The following CADM2 variants were observed in gnomAD, a reference collection of about 807,000 sequenced individuals.
CADM2 encodes immunoglobulin superfamily member 4D.
In CADM2, 12 loss-of-function variants were observed where a neutral mutation model predicts 49.8. The ratio of observed to expected loss-of-function variants is 0.24; its 90% CI spans 0.15 to 0.39. The LOEUF (loss-of-function observed/expected upper bound fraction) is 0.39, where lower values mean the gene tolerates loss of function less well. Among genes scored for constraint, CADM2 ranks in the 10% least tolerant of loss-of-function variants. The pLI, the probability that CADM2 is intolerant of heterozygous loss-of-function variation, is 1.00. For missense variants in CADM2, 378 were observed against 492.3 expected (o/e 0.77, Z 2.20); for synonymous variants, 214 against 175.4 (o/e 1.22, Z -1.74).
chr3:85,746,538 C>A (rs1559629289), intron 2 of CADM2, among the ~76,000 whole-genome samples: 1 of 152,120 alleles, frequency 6.6e-6, no homozygotes, highest in Admixed American at 6.6e-5. Context: ...CTGCCCTCCT[C>A]CTTTTCTTTT....
intron 1 of CADM2, among the ~76,000 whole-genome samples, chr3:85,308,964 G>A (rs550743644): frequency 6.6e-6 from 1 of 152,070 alleles, no homozygotes; most frequent in South Asian, 2.1e-4. Flanking sequence ...ACGGACAACA[G>A]ACACTGATGA....
intron 1 of CADM2, among the ~76,000 whole-genome samples, chr3:85,371,019 A>T (rs553810643): frequency 6.6e-6 from 1 of 152,358 alleles, no homozygotes; most frequent in African/African-American, 2.4e-5. Context: ...TTTGTATTTT[A>T]TACAGGTGTA....
intron 7 of CADM2, among the ~76,000 whole-genome samples, chr3:85,938,083 G>C (rs981716845): frequency 6.6e-6 from 1 of 151,848 alleles, no homozygotes; most frequent in Non-Finnish European, 1.5e-5. Context: ...TCTTCATTTG[G>C]ACTATTGCTT....
intron 1 of CADM2, among the ~76,000 whole-genome samples, chr3:85,589,623 G>A (rs1203970211): frequency 1.3e-5 from 2 of 151,952 alleles, no homozygotes; most frequent in Non-Finnish European, 2.9e-5. Context: ...CCAGAGACAA[G>A]AACAAATAAA....
chr3:85,199,370 T>A (rs60023822), intron 1 of CADM2, among the ~76,000 whole-genome samples: 7,198 of 139,854 alleles, frequency 0.051, 701 homozygotes, highest in African/African-American at 0.19. Flanking sequence ...TGTGTGTGTA[T>A]GAGAGAGAGA....
At chr3:85,976,754 A>G (rs1323304168) in intron 8 of CADM2, among the ~76,000 whole-genome samples, 2 of 151,506 alleles carry the variant, frequency 1.3e-5, no homozygotes, top group South Asian at 2.1e-4. Flanking sequence ...TTAGCCACAT[A>G]TGATGTCAGA....
At chr3:86,046,438 G>C (rs911663424) in intron 8 of CADM2, among the ~76,000 whole-genome samples, 5 of 152,088 alleles carry the variant, frequency 3.3e-5, no homozygotes, top group Non-Finnish European at 7.4e-5. Flanking sequence ...TATTTGCCTA[G>C]ATGATTGCTT....
At chr3:85,029,463 G>T (rs533059357) in intron 1 of CADM2, among the ~76,000 whole-genome samples, 5 of 152,116 alleles carry the variant, frequency 3.3e-5, no homozygotes, top group African/African-American at 1.2e-4. Flanking sequence ...GATGCTAATC[G>T]TTCTTTGTGT....
At chr3:85,029,894 A>C (rs566579418) in intron 1 of CADM2, among the ~76,000 whole-genome samples, 19 of 152,336 alleles carry the variant, frequency 1.2e-4, no homozygotes, top group African/African-American at 4.3e-4. Flanking sequence ...AGCATCTTAC[A>C]CAGGTGGAAG....
intron 1 of CADM2, among the ~76,000 whole-genome samples, chr3:85,587,766 A>G (rs903246623): frequency 2.0e-5 from 3 of 151,668 alleles, no homozygotes; most frequent in Non-Finnish European, 4.4e-5. Context: ...TTTTTTTGAG[A>G]CAGGATTTTG....
At chr3:85,523,814 C>A (rs1199947325) in intron 1 of CADM2, among the ~76,000 whole-genome samples, 1 of 151,688 alleles carries the variant, frequency 6.6e-6, no homozygotes, top group Middle Eastern at 3.2e-3. Context: ...AAGGTATATC[C>A]ATAGAGAGGA....
At chr3:85,539,140 T>TGAA (rs1553738722) in intron 1 of CADM2, among the ~76,000 whole-genome samples, 1 of 148,308 alleles carries the variant, frequency 6.7e-6, no homozygotes, top group Non-Finnish European at 1.5e-5. Context: ...AGATTTACAT[T>TGAA]AAAAAAAAAC....
At chr3:85,212,875 T>TC (rs2041826625) in intron 1 of CADM2, among the ~76,000 whole-genome samples, 1 of 133,170 alleles carries the variant, frequency 7.5e-6, no homozygotes, top group Non-Finnish European at 1.5e-5. Flanking sequence ...TCTTTCTTTC[T>TC]TTCTTTCTTT....
chr3:85,234,783 T>A (rs2107821377), intron 1 of CADM2, among the ~76,000 whole-genome samples: 1 of 152,280 alleles, frequency 6.6e-6, no homozygotes, highest in Non-Finnish European at 1.5e-5. Flanking sequence ...TAGTAGTAGT[T>A]TTTTGCAATT....
chr3:85,269,377 A>T (rs2043186600), intron 1 of CADM2, among the ~76,000 whole-genome samples: 1 of 151,404 alleles, frequency 6.6e-6, no homozygotes, highest in South Asian at 2.1e-4. Context: ...AGTATGTACT[A>T]TAAAAATTTT....
At chr3:85,396,899 A>G (rs1192245915) in intron 1 of CADM2, among the ~76,000 whole-genome samples, 1 of 152,146 alleles carries the variant, frequency 6.6e-6, no homozygotes, top group East Asian at 1.9e-4. Context: ...ACAAAAAATT[A>G]GATAAATTGG....
At chr3:85,655,344 A>G (rs2065164214) in intron 1 of CADM2, among the ~76,000 whole-genome samples, 1 of 152,040 alleles carries the variant, frequency 6.6e-6, no homozygotes, top group Non-Finnish European at 1.5e-5. Flanking sequence ...TATTTTTAGT[A>G]GAGATGCAGT....
chr3:85,347,863 A>C (rs1212774844), intron 1 of CADM2, among the ~76,000 whole-genome samples: 1 of 150,438 alleles, frequency 6.6e-6, no homozygotes, highest in Non-Finnish European at 1.5e-5. Context: ...GCTGGAGTGC[A>C]GTGGCACGAT....
chr3:85,066,833 A>T (rs947235074), intron 1 of CADM2, among the ~76,000 whole-genome samples: 22 of 152,172 alleles, frequency 1.4e-4, no homozygotes, highest in African/African-American at 5.3e-4. Flanking sequence ...AAACTTCCTT[A>T]ACCTAGTTTT....
Sources: allele counts gnomAD v4.1 joint callset (sites outside exome capture counted in the v4.1 genomes callset), GRCh38; gene constraint gnomAD v4.1.1; transcripts MANE v1.5; gene names NCBI Gene and HGNC (gene_info 2026-07-23, HGNC 2026-07-21).